Variants in MOGAT2 observed in about 807,000 individuals in gnomAD.
The protein encoded by MOGAT2 is monoacylglycerol O-acyltransferase 2.
MOGAT2 carries 27 observed loss-of-function variants against 31.5 expected under a neutral mutation model. The observed-to-expected ratio is 0.86, with a 90% CI of 0.63 to 1.18. The LOEUF is 1.18. MOGAT2 is among the 50% of genes most tolerant of loss of function. MOGAT2 has a pLI of 0.00. For missense variants in MOGAT2, 436 were observed against 433.2 expected, an observed-to-expected ratio of 1.01 and a Z score of -0.06; for synonymous variants, 163 against 170.0, an observed-to-expected ratio of 0.96 and a Z score of 0.32.
intron 2 of MOGAT2, among the ~76,000 whole-genome samples, chr11:75,726,696 A>ATTTTTTT (rs1186269725): frequency 8.1e-6 from 1 of 123,188 alleles, no homozygotes. Flanking sequence ...AGGAACATTG[A>ATTTTTTT]TTTTTTTTTT....
intron 2 of MOGAT2, among the ~76,000 whole-genome samples, chr11:75,725,728 A>T (rs1189080938): frequency 2.6e-5 from 4 of 152,174 alleles, no homozygotes; most frequent in African/African-American, 7.2e-5. Context: ...AAGAACCCTC[A>T]GGGAGTCACC....
Position 75,731,346 on chromosome 11 carries a change from TC to T in MOGAT2, c.*62del. ...CAGGAGGTGCTGTGCTGAGAAGACT[TC>T]CTGGAGGTGTTTGTTGAACATATCT... is the stretch of plus-strand genomic sequence containing the variant. On this transcript the variant is annotated 3_prime_UTR_variant, in exon 6 of 6. Coordinates refer to ENST00000198801, the MANE Select transcript of MOGAT2 (RefSeq NM_025098.4). 6.4e-7 allele frequency: 1 copy of T among 1,563,464 alleles called. No individual in the cohort carries two copies. The highest frequency in any genetic ancestry group is 8.6e-7 in the Non-Finnish European group (1 of 1,156,630).
intron 2 of MOGAT2, among the ~76,000 whole-genome samples, chr11:75,722,903 G>A (rs952636791): frequency 6.6e-6 from 1 of 152,210 alleles, no homozygotes; most frequent in Non-Finnish European, 1.5e-5. Flanking sequence ...ACACTGGTGG[G>A]ACACAGGCCT....
intron 2 of MOGAT2, among the ~76,000 whole-genome samples, chr11:75,720,931 C>T (rs1944371625): frequency 1.3e-5 from 2 of 152,156 alleles, no homozygotes. Context: ...TCTTTCGGCT[C>T]CTTCAACGGA....
intron 2 of MOGAT2, among the ~76,000 whole-genome samples, chr11:75,721,084 G>C (rs989662013): frequency 2.0e-5 from 3 of 152,114 alleles, no homozygotes; most frequent in Admixed American, 6.6e-5. Context: ...CAGGAGAGAA[G>C]AAAGGGGTAA....
intron 5 of MOGAT2, among the ~76,000 whole-genome samples, chr11:75,730,219 G>A (rs1466137590): frequency 6.6e-6 from 1 of 152,196 alleles, no homozygotes; most frequent in Admixed American, 6.5e-5. Flanking sequence ...AGAGGACAGA[G>A]GAACTGCCTT....
intron 2 of MOGAT2, among the ~76,000 whole-genome samples, chr11:75,724,659 CAA>C (rs796911647): frequency 7.1e-6 from 1 of 140,006 alleles, no homozygotes; most frequent in African/African-American, 2.6e-5. Context: ...GAGACTGTCT[CAA>C]AAAAAAAAAA....
At chr11:75,719,034 T>C (rs971584482) in intron 1 of MOGAT2, among the ~76,000 whole-genome samples, 27 of 152,006 alleles carry the variant, frequency 1.8e-4, no homozygotes, top group African/African-American at 6.0e-4. Context: ...CACAATTCTG[T>C]AGTGAAAAAA....
At chr11:75,725,425 G>C (rs1379812919) in intron 2 of MOGAT2, among the ~76,000 whole-genome samples, 2 of 152,090 alleles carry the variant, frequency 1.3e-5, no homozygotes, top group Admixed American at 6.5e-5. Flanking sequence ...GCATGTGCCT[G>C]TAATCTAAGC....
rs1944493925 is a variant in MOGAT2, at chr11:75,732,671, A to G, written c.*1385A>G. The G allele has an allele frequency of 6.6e-6, 1 of 152,202 alleles. No individual in the cohort carries two copies. Among genetic ancestry groups the G allele is most frequent in the South Asian group, 2.1e-4 (1 of 4,826 alleles). 9.4% of individuals were successfully genotyped at this position (152,202 alleles called of 1,614,324 possible). A position where few individuals can be genotyped will look rare whatever the true frequency, so the allele number is the denominator to read the frequency against. On this transcript the variant is annotated 3_prime_UTR_variant, in exon 6 of 6. Coordinates refer to ENST00000198801, the MANE Select transcript of MOGAT2 (RefSeq NM_025098.4). ...GATGTTGGATGCCATGGAATGCCAT[A>G]TCCTCCCCATTATCTCCCCCTTGTC...
intron 2 of MOGAT2, among the ~76,000 whole-genome samples, chr11:75,723,045 T>A (rs10793123): frequency 0.5 from 75,572 of 151,922 alleles, 19,019 homozygotes; most frequent in Middle Eastern, 0.54. Context: ...CACTGCAACC[T>A]CCACCTCCCA....
chr11:75,729,762 T>TTG (rs1944458823), intron 5 of MOGAT2, among the ~76,000 whole-genome samples: 2 of 149,236 alleles, frequency 1.3e-5, no homozygotes, highest in African/African-American at 2.5e-5. Flanking sequence ...TGTTTTTTTT[T>TTG]GAGACAGAGT....
rs1038769947 is a variant in MOGAT2, at chr11:75,727,928, G to T, written c.476-42G>T. 3.2e-6 allele frequency: 5 copies of T among 1,539,464 alleles called. No individual in the cohort carries two copies. In the African/African-American group the frequency reaches 5.5e-5, roughly 17 times the overall value. On this transcript the variant is annotated intron_variant, in intron 3 of 5. Coordinates refer to ENST00000198801, the MANE Select transcript of MOGAT2 (RefSeq NM_025098.4). ...GGCTACATGTACTTTCATAGCCCCT[G>T]CTCCCTCACCCCATACCTGACCCAC...
At position 75,728,803 on chromosome 11, in the gene MOGAT2, C is replaced by A; in HGVS notation, c.664C>A (p.Pro222Thr). ...LALTHGAPLV[P>T]IFSFGENDLF... is the part of the protein sequence containing the mutation. ...ATTTGTCTCCAGGGCACCCCTGGTG[C>A]CAATCTTCTCCTTCGGGGAGAATGA... Residue 222 changes from proline (P) to threonine (T), a missense_variant, in exon 5 of 6, where the codon CCA becomes ACA. Physicochemically the swap from Pro to Thr is conservative, Grantham distance 38. Coordinates refer to ENST00000198801, the MANE Select transcript of MOGAT2 (RefSeq NM_025098.4). The A allele has an allele frequency of 6.2e-7, 1 of 1,614,156 alleles. No individual in the cohort carries two copies. The highest frequency in any genetic ancestry group is 8.5e-7 in the Non-Finnish European group (1 of 1,180,028).
Position 75,726,643 on chromosome 11 carries a change from A to G in MOGAT2, c.271-792A>G, listed in dbSNP as rs575697336. On this transcript the variant is annotated intron_variant, in intron 2 of 5. Coordinates refer to ENST00000198801, the MANE Select transcript of MOGAT2 (RefSeq NM_025098.4). ...CAACAATCTATTTTTTTTTCTGAAT[A>G]CATCTGAGGTTGTTTGAATCCATAG... is the stretch of plus-strand genomic sequence containing the variant. Among the ~76,000 whole-genome samples the G allele has an allele frequency of 5.9e-5, 9 of 151,946 alleles. No individual in the cohort carries two copies. The East Asian group carries it at 1.5e-3, about 26-fold the overall frequency.
At chr11:75,727,231 G>A (rs1237215888) in intron 2 of MOGAT2, among the ~76,000 whole-genome samples, 3 of 152,172 alleles carry the variant, frequency 2.0e-5, no homozygotes, top group Admixed American at 6.5e-5. Flanking sequence ...CCAGCATCAA[G>A]TCTGTGGCAC....
chr11:75,729,084 G>T, intron 5 of MOGAT2, 95 bp downstream of exon 5: 1 of 1,158,876 alleles, frequency 8.6e-7, no homozygotes, highest in Non-Finnish European at 1.3e-6. Flanking sequence ...ATTTATTCCT[G>T]CCCTAATGGG....
chr11:75,732,825 AC>A lies in MOGAT2; in HGVS notation c.*1542del. Reference sequence around the variant, plus strand: ...CTGTTCCTCCACCACAGCCCTTAGCACCCTGGGGAGGAGGTGTTGCTGTCCA... The same window carrying A: ...CTGTTCCTCCACCACAGCCCTTAGCACCTGGGGAGGAGGTGTTGCTGTCCA... On this transcript the variant is annotated 3_prime_UTR_variant, in exon 6 of 6. Coordinates refer to ENST00000198801, the MANE Select transcript of MOGAT2 (RefSeq NM_025098.4). 6.6e-6 allele frequency: 1 copy of A among 152,354 alleles called. No homozygotes were observed. The highest frequency in any genetic ancestry group is 2.1e-4 in the South Asian group (1 of 4,816). The allele number at this position is 152,354 out of a possible 1,614,324, so 9.4% of individuals were successfully genotyped here.
rs1309139584 is a variant in MOGAT2 at position 75,726,223 on chromosome 11, C to G, written c.271-1212C>G. 3.9e-5 allele frequency among the ~76,000 whole-genome samples: 6 copies of G among 152,158 alleles called. No homozygotes were observed. In the East Asian group the frequency reaches 1.2e-3, roughly 29 times the overall value. On this transcript the variant is annotated intron_variant, in intron 2 of 5. Coordinates refer to ENST00000198801, the MANE Select transcript of MOGAT2 (RefSeq NM_025098.4). ...TGCGATGGCTGGGGAAAGAGAGTGG[C>G]CAAGGGGCAATGAAGGCCTGGCGAG...
Sources: allele counts gnomAD v4.1 joint callset (sites outside exome capture counted in the v4.1 genomes callset), GRCh38; gene constraint gnomAD v4.1.1; transcripts MANE v1.5; gene names NCBI Gene and HGNC (gene_info 2026-07-23, HGNC 2026-07-21).